SPIRE2: variants seen among roughly 807,000 people sequenced by gnomAD.
SPIRE2 encodes spire type actin nucleation factor 2.
SPIRE2 carries 76 observed loss-of-function variants against 80.7 expected under a neutral mutation model. That is an observed-to-expected ratio of 0.94 (90% CI 0.78 to 1.14). The LOEUF (loss-of-function observed/expected upper bound fraction) is 1.14, where lower values mean the gene tolerates loss of function less well. SPIRE2 is among the 50% of genes most tolerant of loss of function. The probability of loss-of-function intolerance (pLI) is 0.00; values close to 1 mark genes in which losing one functional copy is unlikely to be tolerated. For synonymous variants in SPIRE2, 535 were observed against 432.6 expected (o/e 1.24, Z -2.94); for missense variants, 1,196 against 1,015.3 (o/e 1.18, Z -2.42).
intron 1 of SPIRE2, among the ~76,000 whole-genome samples, chr16:89,840,119 G>T (rs2041490026): frequency 6.6e-6 from 1 of 152,138 alleles, no homozygotes; most frequent in Admixed American, 6.6e-5. Context: ...GGCTGAGGCT[G>T]CCTGGTAACC....
rs748332301 is a variant in SPIRE2, at chr16:89,859,308, C to G, written c.1416C>G (p.Pro472=). ...CAGGAGGGACGGAGCCACCACGGCC[C>G]CGAGCTGGCAGTGCGCATGTGTGGA... ...HPPGGTEPPR[P]RAGSAHVWRP... The change falls in exon 9 of 15, where the codon CCC becomes CCG. Residue 472 remains proline, a synonymous_variant. Transcript: ENST00000378247. 6.3e-7 allele frequency: 1 copy of G among 1,596,792 alleles called. No individual in the cohort carries two copies. The highest frequency in any genetic ancestry group is 1.1e-5 in the South Asian group (1 of 90,454).
At chr16:89,864,337 A>C (rs2041770816) in intron 12 of SPIRE2, among the ~76,000 whole-genome samples, 1 of 152,122 alleles carries the variant, frequency 6.6e-6, no homozygotes. Context: ...TGCGCCGAGA[A>C]AGCCTCAGAG....
intron 1 of SPIRE2, among the ~76,000 whole-genome samples, chr16:89,843,685 GTTTTTGTTTTTTGTTTTTT>G (rs2041527035): frequency 4.7e-5 from 1 of 21,300 alleles, no homozygotes; most frequent in African/African-American, 2.6e-4. Flanking sequence ...TTTTTTGTTT[GTTTTTGTTTTTTGTTTTTT>G]TTTTTTTTTT....
chr16:89,860,773 C>A lies in SPIRE2; in HGVS notation c.1553C>A (p.Pro518His). ...SGDRPEASMT[P>H]DAKHLWLEFS... ...GACAGACCCGAGGCCTCCATGACCC[C>A]CGATGCCAAACACCTGTGGCTGGTG... The change falls in exon 10 of 15, where the codon CCC becomes CAC. Residue 518 changes from proline to histidine, a missense_variant. Physicochemically the swap from Pro to His is moderately conservative, Grantham distance 77 (BLOSUM62 -2). Transcript: ENST00000378247. The A allele has an allele frequency of 6.5e-7, 1 of 1,547,278 alleles. No homozygotes were observed. The highest frequency in any genetic ancestry group is 1.2e-5 in the South Asian group (1 of 82,990).
intron 1 of SPIRE2, among the ~76,000 whole-genome samples, chr16:89,842,163 C>G (rs910119474): frequency 8.6e-5 from 13 of 151,388 alleles, no homozygotes; most frequent in Non-Finnish European, 5.9e-5. Context: ...CCAGAGACAC[C>G]CCAAGTCTTT....
chr16:89,860,783 A>T lies in SPIRE2; in HGVS notation c.1563A>T (p.Lys521Asn). The T allele has an allele frequency of 6.5e-7, 1 of 1,529,416 alleles. No homozygotes were observed. Among genetic ancestry groups the T allele is most frequent in the Non-Finnish European group, 8.8e-7 (1 of 1,138,368 alleles). 94.7% of individuals were successfully genotyped at this position (1,529,416 alleles called of 1,614,324 possible). A position where few individuals can be genotyped will look rare whatever the true frequency, so the allele number is the denominator to read the frequency against. The change falls in exon 10 of 15, where the codon AAA (lysine) becomes AAT (asparagine). Residue 521 changes from lysine (K) to asparagine (N), a missense_variant. Lys to Asn is a moderately conservative substitution (Grantham distance 94, BLOSUM62 0). Transcript: ENST00000378247. ...AGGCCTCCATGACCCCCGATGCCAA[A>T]CACCTGTGGCTGGTGAGTGAGGGTG... is the stretch of plus-strand genomic sequence containing the variant. ...RPEASMTPDA[K>N]HLWLEFSHPV...
rs879760347 is a variant in SPIRE2 at position 89,848,156 on chromosome 16, C to T, written c.289-2148C>T. On this transcript the variant is annotated intron_variant, in intron 2 of 14. Transcript: ENST00000378247. The stretch of plus-strand genomic sequence containing the variant: ...GCGGCTCTTCCAGTCGGCTTCCTCA[C>T]ACCCCGCCCTCTGTCACTGTGCCCA... 5.9e-5 allele frequency among the ~76,000 whole-genome samples: 9 copies of T among 152,370 alleles called. No individual in the cohort carries two copies. In the South Asian group the frequency reaches 1.0e-3, roughly 18 times the overall value.
intron 1 of SPIRE2, among the ~76,000 whole-genome samples, chr16:89,833,782 C>T (rs541333978): frequency 2.0e-5 from 3 of 152,310 alleles, no homozygotes; most frequent in Admixed American, 6.5e-5. Context: ...CTGCGAATCC[C>T]GACCGGATTC....
In SPIRE2 at chr16:89,845,334, T is replaced by C. The variant is rs367948351; in HGVS notation, c.257T>C (p.Met86Thr). 1.8e-5 allele frequency: 29 copies of C among 1,614,070 alleles called. No homozygotes were observed. Among genetic ancestry groups the C allele is most frequent in the Admixed American group, 6.7e-5 (4 of 60,002 alleles). ...TCTTCTCTTACAGAACCTGCAACCA[T>C]GGTCGTGCCACTAGCCAGCTCGGAA... Reference protein sequence around the residue: ...REPEAAEPATMVVPLASSEAQ... With the variant: ...REPEAAEPATTVVPLASSEAQ... Residue 86 changes from methionine to threonine, a missense_variant, in exon 2 of 15, where the codon ATG (methionine) becomes ACG (threonine). By Grantham distance (81) the Met-to-Thr change is moderately conservative. Coordinates refer to ENST00000378247, the MANE Select transcript of SPIRE2 (RefSeq NM_032451.2).
intron 13 of SPIRE2, 110 bp from the exon 14 acceptor site, chr16:89,869,457 G>T (rs2041819735): frequency 2.9e-6 from 2 of 700,692 alleles, no homozygotes; most frequent in South Asian, 3.2e-5. Context: ...TCTCCAGGAA[G>T]CCCTGGCTGC....
At chr16:89,856,282 G>A (rs550480688) in intron 7 of SPIRE2, 46 bp downstream of exon 7, 17 of 1,532,778 alleles carry the variant, frequency 1.1e-5, no homozygotes, top group Admixed American at 6.0e-5. Context: ...GCCCCCGGCT[G>A]GGGTTCCCCC....
chr16:89,855,526 A>G, intron 5 of SPIRE2, 74 bp from the exon 6 acceptor site: 1 of 1,353,554 alleles, frequency 7.4e-7, no homozygotes, highest in Non-Finnish European at 1.0e-6. Flanking sequence ...CCTTGGGCTG[A>G]GCAGGCCTCT....
At chr16:89,838,433 C>A (rs1263166673) in intron 1 of SPIRE2, among the ~76,000 whole-genome samples, 1 of 152,056 alleles carries the variant, frequency 6.6e-6, no homozygotes, top group Non-Finnish European at 1.5e-5. Flanking sequence ...ATCGGCCTGC[C>A]TCGGCCTCCC....
rs116088106 is a variant in SPIRE2 at position 89,849,424 on chromosome 16, G to A, written c.289-880G>A. On this transcript the variant is annotated intron_variant, in intron 2 of 14. Transcript: ENST00000378247. ...GGTTGGTACGTGATGTGCAGGGCCCGGCACAGCATCTGACATAAGGAGTGC... is the reference window on the plus strand; with the variant it reads ...GGTTGGTACGTGATGTGCAGGGCCCAGCACAGCATCTGACATAAGGAGTGC... 5.9e-3 allele frequency among the ~76,000 whole-genome samples: 903 copies of A among 152,342 alleles called. 7 individuals carry two copies. Among genetic ancestry groups the A allele is most frequent in the African/African-American group, 0.021 (867 of 41,580 alleles).
At chr16:89,857,944 G>A (rs531876801) in intron 7 of SPIRE2, among the ~76,000 whole-genome samples, 136 of 146,728 alleles carry the variant, frequency 9.3e-4, no homozygotes, top group Non-Finnish European at 1.7e-3. Flanking sequence ...GTGCAGTGGC[G>A]TGATCTCGGC....
intron 2 of SPIRE2, chr16:89,847,293 G>T (rs1266175294): frequency 6.6e-6 from 1 of 152,420 alleles, no homozygotes; most frequent in Non-Finnish European, 1.5e-5. Context: ...AGTGTCCTGG[G>T]ACGTGAGTGG....
rs757409105 is a variant in SPIRE2 at position 89,856,236 on chromosome 16, G to A, written c.1102G>A (p.Gly368Arg). 1.3e-5 allele frequency: 20 copies of A among 1,567,026 alleles called. No individual in the cohort carries two copies. The highest frequency in any genetic ancestry group is 9.6e-5 in the Admixed American group (5 of 52,114). The change falls in exon 7 of 15, where the codon GGG (glycine) becomes AGG (arginine). Residue 368 changes from glycine to arginine, a missense_variant and splice_region_variant. Transcript: ENST00000378247. ...PVRGEGWAAR[G>R]FGSLPCILNA... Reference sequence around the variant, plus strand: ...GCGGGGCGAGGGCTGGGCTGCCCGCGGTGAGTGAGGGGATGGCAGGAGAAG... The same window carrying A: ...GCGGGGCGAGGGCTGGGCTGCCCGCAGTGAGTGAGGGGATGGCAGGAGAAG...
At chr16:89,845,720 A>T in intron 2 of SPIRE2, 1 of 639,372 alleles carries the variant, frequency 1.6e-6, no homozygotes. Context: ...AAACAGGAAA[A>T]ATCAGCCTGG....
intron 1 of SPIRE2, among the ~76,000 whole-genome samples, chr16:89,839,384 A>AAC (rs11368696): frequency 6.6e-6 from 1 of 151,246 alleles, no homozygotes; most frequent in African/African-American, 2.4e-5. Context: ...AAAAAAAAAA[A>AAC]AAAAACTGTT....
Sources: gnomAD v4.1 joint callset for allele counts (sites outside exome capture counted in the v4.1 genomes callset) on GRCh38, gnomAD v4.1.1 for gene constraint, MANE v1.5 for transcripts, NCBI Gene and HGNC (gene_info 2026-07-23, HGNC 2026-07-21) for gene names.